ROBO2: variants seen among roughly 807,000 people sequenced by gnomAD.
ROBO2 encodes the protein roundabout guidance receptor 2, also known as roundabout homolog 2.
A neutral mutation model predicts 160.8 loss-of-function variants in ROBO2; 53 were observed. The observed-to-expected ratio is 0.33, with a 90% CI of 0.26 to 0.41. The LOEUF is 0.41. Among genes scored for constraint, ROBO2 ranks in the 10% least tolerant of loss-of-function variants. The pLI, the probability that ROBO2 is intolerant of heterozygous loss-of-function variation, is 1.00. For missense variants in ROBO2, 1,577 were observed against 1,722.4 expected, an observed-to-expected ratio of 0.92 and a Z score of 1.49; for synonymous variants, 664 against 611.7, an observed-to-expected ratio of 1.09 and a Z score of -1.26.
intron 2 of ROBO2, among the ~76,000 whole-genome samples, chr3:76,187,733 G>A (rs879563594): frequency 1.3e-5 from 2 of 152,056 alleles, no homozygotes; most frequent in Non-Finnish European, 2.9e-5. Flanking sequence ...TGTTGATTCT[G>A]TCTCTAAATG....
chr3:76,126,469 T>A (rs1489362846), intron 2 of ROBO2, among the ~76,000 whole-genome samples: 1 of 152,124 alleles, frequency 6.6e-6, no homozygotes, highest in African/African-American at 2.4e-5. Flanking sequence ...ACCTGTACAA[T>A]AATGTATTTT....
chr3:77,105,232 A>G (rs934411350), intron 2 of ROBO2, among the ~76,000 whole-genome samples: 1 of 152,218 alleles, frequency 6.6e-6, no homozygotes, highest in East Asian at 1.9e-4. Context: ...TTCTTAAAAC[A>G]AAGAAGCACA....
Position 76,133,703 on chromosome 3 carries a change from G to A in ROBO2, c.109+196101G>A, listed in dbSNP as rs552762124. Among the ~76,000 whole-genome samples the A allele has an allele frequency of 1.9e-4, 29 of 152,216 alleles. 1 individual carries two copies. The highest frequency in any genetic ancestry group is 2.4e-4 in the Non-Finnish European group (16 of 68,018). ...AACTTCGAGTTGGAGTCTGATGTTC[G>A]AAGGCAGGAAGCACCCAGCATGGGA... is the stretch of plus-strand genomic sequence containing the variant. On this transcript the variant is annotated intron_variant, in intron 2 of 26. Coordinates refer to the ROBO2 transcript ENST00000487694.
intron 14 of ROBO2, among the ~76,000 whole-genome samples, chr3:77,577,195 G>A (rs552634861): frequency 2.0e-5 from 3 of 152,014 alleles, no homozygotes; most frequent in Non-Finnish European, 4.4e-5. Flanking sequence ...ATTAATGCAA[G>A]CATTAAACCT....
chr3:76,738,242 C>T (rs116709074), intron 2 of ROBO2, among the ~76,000 whole-genome samples: 3,308 of 152,248 alleles, frequency 0.022, 51 homozygotes, highest in Non-Finnish European at 0.037. Flanking sequence ...CAATGAAAAA[C>T]AAGATAGGTA....
At position 76,091,607 on chromosome 3, in the gene ROBO2, G is replaced by A. The variant is rs1275028686; in HGVS notation, c.109+154005G>A. ...CCCAAATAAACTGAAAACTTATGTTGGAACAAAAACCTGCACATGAATGTT... is the reference window on the plus strand; with the variant it reads ...CCCAAATAAACTGAAAACTTATGTTAGAACAAAAACCTGCACATGAATGTT... On this transcript the variant is annotated intron_variant, in intron 2 of 26. Coordinates refer to the ROBO2 transcript ENST00000487694. 2.0e-5 allele frequency among the ~76,000 whole-genome samples: 3 copies of A among 152,072 alleles called. No homozygotes were observed. In the East Asian group the frequency reaches 5.8e-4, roughly 29 times the overall value.
At chr3:77,621,380 C>G (rs143495171) in intron 22 of ROBO2, among the ~76,000 whole-genome samples, 34 of 152,082 alleles carry the variant, frequency 2.2e-4, no homozygotes, top group Admixed American at 5.9e-4. Context: ...GAGCCATGAT[C>G]GCATCACTGC....
At chr3:75,926,957 G>T (rs1291044184) in intron 1 of ROBO2, among the ~76,000 whole-genome samples, 1 of 152,066 alleles carries the variant, frequency 6.6e-6, no homozygotes, top group Non-Finnish European at 1.5e-5. Context: ...GACCAGAAAG[G>T]CATTTATTAT....
intron 2 of ROBO2, among the ~76,000 whole-genome samples, chr3:77,135,979 A>G (rs2076245961): frequency 6.6e-6 from 1 of 152,288 alleles, no homozygotes; most frequent in Non-Finnish European, 1.5e-5. Flanking sequence ...TGTTTCTATA[A>G]TTAAAAATAC....
intron 2 of ROBO2, among the ~76,000 whole-genome samples, chr3:76,054,173 A>G (rs1459410952): frequency 6.6e-6 from 1 of 152,148 alleles, no homozygotes; most frequent in Non-Finnish European, 1.5e-5. Context: ...TAATAAGGCA[A>G]CCTCTATCAT....
At chr3:75,956,955 G>A (rs4855987) in intron 2 of ROBO2, among the ~76,000 whole-genome samples, 64,225 of 151,342 alleles carry the variant, frequency 0.42, 14,864 homozygotes, top group South Asian at 0.65. Context: ...GTTGATACAC[G>A]TTGTAGCCCT....
chr3:76,176,207 C>T (rs576558899), intron 2 of ROBO2, among the ~76,000 whole-genome samples: 2 of 152,072 alleles, frequency 1.3e-5, no homozygotes, highest in African/African-American at 4.8e-5. Context: ...TTCCTCCATG[C>T]AAGCCCATCT....
At chr3:77,518,963 G>A (rs145952253) in intron 5 of ROBO2, among the ~76,000 whole-genome samples, 33 of 151,510 alleles carry the variant, frequency 2.2e-4, no homozygotes, top group African/African-American at 8.0e-4. Flanking sequence ...CAGACTATTG[G>A]CCTTGGCCAT....
intron 2 of ROBO2, among the ~76,000 whole-genome samples, chr3:77,362,087 A>G (rs576524034): frequency 1.3e-5 from 2 of 152,280 alleles, no homozygotes; most frequent in African/African-American, 4.8e-5. Context: ...TCATACATAT[A>G]GGGGAATGTG....
rs112352416 is a variant in ROBO2 at position 76,289,488 on chromosome 3, A to G, written c.109+351886A>G. Among the ~76,000 whole-genome samples the G allele has an allele frequency of 3.0e-4, 45 of 151,992 alleles. 1 individual carries two copies. The highest frequency in any genetic ancestry group is 8.0e-4 in the African/African-American group (33 of 41,450). On this transcript the variant is annotated intron_variant, in intron 2 of 26. Coordinates refer to the ROBO2 transcript ENST00000487694. ...TTTGTTTGCTCTGCAGAAGCTTTTG[A>G]GTTTGATTAGGTCCTACTTTTCAAT... is the stretch of plus-strand genomic sequence containing the variant.
At position 76,047,496 on chromosome 3, in the gene ROBO2, A is replaced by T. The variant is rs553008393; in HGVS notation, c.109+109894A>T. Among the ~76,000 whole-genome samples the T allele has an allele frequency of 1.2e-4, 18 of 152,290 alleles. No homozygotes were observed. The South Asian group carries it at 3.7e-3, about 32-fold the overall frequency. ...CAGAGATTGCCGTCAGTGGAGATTG[A>T]CAGCACTGTGGAGGTGAGAACCAGT... On this transcript the variant is annotated intron_variant, in intron 2 of 26. Transcript: ENST00000487694.
rs1491244055 is a variant in ROBO2, at chr3:76,674,629, C to CACACACACACAG, written c.110-423384_110-423383insCACACACACAGA. ...ACACACACACACACACACACACACA[C>CACACACACACAG]AGAAACCTGTAGAAAGTGCAAATTA... On this transcript the variant is annotated intron_variant, in intron 2 of 26. Coordinates refer to the ROBO2 transcript ENST00000487694. 4.9e-4 allele frequency among the ~76,000 whole-genome samples: 74 copies of CACACACACACAG among 151,136 alleles called. 3 individuals are homozygous for CACACACACACAG. In the South Asian group the frequency reaches 0.015, roughly 31 times the overall value.
chr3:76,896,764 A>T (rs920882125), intron 2 of ROBO2, among the ~76,000 whole-genome samples: 2 of 152,174 alleles, frequency 1.3e-5, no homozygotes, highest in African/African-American at 4.8e-5. Context: ...AACTGTTGTC[A>T]TTACAATTTT....
intron 2 of ROBO2, among the ~76,000 whole-genome samples, chr3:77,235,454 G>A (rs1007533640): frequency 2.6e-5 from 4 of 151,502 alleles, no homozygotes; most frequent in Non-Finnish European, 4.4e-5. Context: ...CCGGGTTCAC[G>A]CCAGAGAGGA....
Sources: gnomAD v4.1 joint callset for allele counts (sites outside exome capture counted in the v4.1 genomes callset) on GRCh38, gnomAD v4.1.1 for gene constraint, MANE v1.5 for transcripts, NCBI Gene and HGNC (gene_info 2026-07-23, HGNC 2026-07-21) for gene names.